Variants in FANCA observed in about 807,000 individuals in gnomAD.
The protein encoded by FANCA is Fanconi anemia group A protein.
A neutral mutation model predicts 194.3 loss-of-function variants in FANCA; 236 were observed. The observed-to-expected ratio is 1.21, with a 90% CI of 1.09 to 1.35. The LOEUF is 1.35. Ranked by LOEUF, FANCA falls within the 40% of genes most tolerant of loss-of-function variation. FANCA has a pLI of 0.00. For synonymous variants in FANCA, 1,014 were observed against 715.8 expected, an observed-to-expected ratio of 1.42 and a Z score of -6.65; for missense variants, 2,628 against 1,813.9, an observed-to-expected ratio of 1.45 and a Z score of -8.15.
At chr16:89,745,426 C>T (rs1206788296) in intron 35 of FANCA, among the ~76,000 whole-genome samples, 1 of 148,586 alleles carries the variant, frequency 6.7e-6, no homozygotes, top group African/African-American at 2.5e-5. Flanking sequence ...GAGCTGGGAA[C>T]AAAACAGTGA....
Position 89,814,602 on chromosome 16 carries a change from T to A in FANCA, c.201A>T (p.Pro67=). ...TGCTGAGAGACAATTTTTTACACAGTGGACCTTCTACCTAGAATCCAAAAC... is the reference window on the plus strand; with the variant it reads ...TGCTGAGAGACAATTTTTTACACAGAGGACCTTCTACCTAGAATCCAAAAC... ...LNALLLEVEG[P]LCKKLSLSKV... is the part of the protein sequence containing the mutation. Residue 67 remains proline, a synonymous_variant, in exon 3 of 43, where the codon CCA becomes CCT. Transcript: ENST00000389301. 1 of 1,612,960 alleles carries A rather than the reference T, an allele frequency of 6.2e-7. No homozygotes were observed. Among genetic ancestry groups the A allele is most frequent in the African/African-American group, 1.3e-5 (1 of 75,032 alleles).
chr16:89,740,491 C>A, intron 38 of FANCA: 1 of 470,532 alleles, frequency 2.1e-6, no homozygotes, highest in Non-Finnish European at 3.8e-6. Flanking sequence ...AAAAATTAGC[C>A]GGGTGTGACA....
At chr16:89,751,291 G>C (rs140328687) in intron 31 of FANCA, among the ~76,000 whole-genome samples, 10 of 152,150 alleles carry the variant, frequency 6.6e-5, no homozygotes, top group Non-Finnish European at 1.5e-4. Flanking sequence ...CTTGGGCCCA[G>C]GAGTTCGAGA....
chr16:89,813,135 T>C (rs2040965782), intron 3 of FANCA, among the ~76,000 whole-genome samples: 1 of 150,876 alleles, frequency 6.6e-6, no homozygotes, highest in African/African-American at 2.4e-5. Flanking sequence ...AGTAGACAGA[T>C]GGGGCACAGT....
rs769862233 is a variant in FANCA at position 89,746,891 on chromosome 16, C to T, written c.3349-1G>A. The T allele has an allele frequency of 3.6e-5, 56 of 1,555,122 alleles. No homozygotes were observed. Among genetic ancestry groups the T allele is most frequent in the Non-Finnish European group, 1.2e-5 (14 of 1,148,786 alleles). Reference sequence around the variant, plus strand: ...CACCTCCGTGGGAGCAGAAGTTTCTCTGCAAAAGAGTTCAAGGCAGGTAAG... The same window carrying T: ...CACCTCCGTGGGAGCAGAAGTTTCTTTGCAAAAGAGTTCAAGGCAGGTAAG... On this transcript the variant is annotated splice_acceptor_variant, in intron 33 of 42. Coordinates refer to ENST00000389301, the MANE Select transcript of FANCA (RefSeq NM_000135.4). LOFTEE classifies it high-confidence loss of function.
rs560431295 is a variant in FANCA at position 89,753,320 on chromosome 16, G to A, written c.2982-1098C>T. Among the ~76,000 whole-genome samples, 17 of 152,196 alleles carry A rather than the reference G, an allele frequency of 1.1e-4. No homozygotes were observed. In the East Asian group the frequency reaches 2.1e-3, roughly 19 times the overall value. On this transcript the variant is annotated intron_variant, in intron 30 of 42. Coordinates refer to ENST00000389301, the MANE Select transcript of FANCA (RefSeq NM_000135.4). Reference sequence around the variant, plus strand: ...CAGCCCGACACTCGGGGCCACTACCGGTCTCCGCGCATTGGTGGTAGTGGT... The same window carrying A: ...CAGCCCGACACTCGGGGCCACTACCAGTCTCCGCGCATTGGTGGTAGTGGT...
At chr16:89,810,102 C>T (rs1401274574) in intron 5 of FANCA, among the ~76,000 whole-genome samples, 1 of 151,992 alleles carries the variant, frequency 6.6e-6, no homozygotes, top group Non-Finnish European at 1.5e-5. Context: ...GTGGGCAGAT[C>T]ACGAGGTCAG....
Position 89,753,189 on chromosome 16 carries a change from G to A in FANCA, c.2982-967C>T, listed in dbSNP as rs554768721. Among the ~76,000 whole-genome samples, 177 of 152,310 alleles carry A rather than the reference G, an allele frequency of 1.2e-3. 2 individuals are homozygous for A. The highest frequency in any genetic ancestry group is 4.1e-3 in the African/African-American group (169 of 41,570). ...TGCCTCAGCTGCCAGGCAGGGACGG[G>A]CCCCCTGTCCAGTGGACATGTGACC... On this transcript the variant is annotated intron_variant, in intron 30 of 42. Transcript: ENST00000389301.
rs374510260 is a variant in FANCA at position 89,740,109 on chromosome 16, G to A, written c.3829-10C>T. 49 of 1,611,282 alleles carry A rather than the reference G, an allele frequency of 3.0e-5. No individual in the cohort carries two copies. The highest frequency in any genetic ancestry group is 1.4e-4 in the South Asian group (13 of 91,022). ...GCAGGTCTGTGGTGCTCTGTAAACC[G>A]CAGGAGACCAACCCTGAGAATGGCC... is the stretch of plus-strand genomic sequence containing the variant. On this transcript the variant is annotated splice_polypyrimidine_tract_variant and intron_variant, in intron 38 of 42. Transcript: ENST00000389301.
intron 30 of FANCA, among the ~76,000 whole-genome samples, chr16:89,756,839 G>C (rs917024470): frequency 6.6e-6 from 1 of 152,174 alleles, no homozygotes; most frequent in Non-Finnish European, 1.5e-5. Flanking sequence ...CCATGTCTCA[G>C]GCAGCCTAGA....
intron 26 of FANCA, 85 bp downstream of exon 26, chr16:89,769,752 T>C: frequency 6.7e-7 from 1 of 1,483,144 alleles, no homozygotes. Flanking sequence ...TGTCTGCATG[T>C]CTGTCTCTTC....
At chr16:89,766,002 T>TA (rs147126022) in intron 27 of FANCA, among the ~76,000 whole-genome samples, 13,334 of 150,910 alleles carry the variant, frequency 0.088, 678 homozygotes, top group East Asian at 0.22. Context: ...TTTATTTATT[T>TA]TTTTTTTTTT....
intron 17 of FANCA, among the ~76,000 whole-genome samples, chr16:89,780,623 C>CA (rs11356898): frequency 0.017 from 2,409 of 140,006 alleles, 62 homozygotes; most frequent in African/African-American, 0.056. Context: ...GTCCCTGCAT[C>CA]AAAAAAAAAA....
chr16:89,785,119 C>A (rs1039654690), intron 14 of FANCA, among the ~76,000 whole-genome samples, 155 bp from the exon 15 acceptor site: 2 of 152,040 alleles, frequency 1.3e-5, no homozygotes, highest in African/African-American at 4.8e-5. Flanking sequence ...GAGTGTGAAG[C>A]CCACCTAGGC....
At chr16:89,812,899 G>A (rs770249886) in intron 3 of FANCA, among the ~76,000 whole-genome samples, 3 of 151,328 alleles carry the variant, frequency 2.0e-5, no homozygotes, top group Non-Finnish European at 4.4e-5. Context: ...TGGGTGCGGC[G>A]GCGGGCACCT....
At chr16:89,792,576 C>A (rs2040112174) in intron 11 of FANCA, 29 bp from the exon 12 acceptor site, 1 of 1,604,160 alleles carries the variant, frequency 6.2e-7, no homozygotes, top group Non-Finnish European at 8.5e-7. Context: ...ACAAAAACTT[C>A]AAGTCAGAGA....
At chr16:89,750,637 G>C (rs1236026499) in intron 31 of FANCA, among the ~76,000 whole-genome samples, 1 of 152,092 alleles carries the variant, frequency 6.6e-6, no homozygotes, top group African/African-American at 2.4e-5. Context: ...GCTGGGTGTG[G>C]TGGCAGGCGC....
At chr16:89,793,634 C>T (rs71396964) in intron 11 of FANCA, among the ~76,000 whole-genome samples, 2,155 of 152,260 alleles carry the variant, frequency 0.014, 42 homozygotes, top group South Asian at 0.096. Context: ...TCACTATCAC[C>T]CAGGCTGGAG....
At chr16:89,757,795 G>C (rs919735666) in intron 30 of FANCA, among the ~76,000 whole-genome samples, 2 of 152,200 alleles carry the variant, frequency 1.3e-5, no homozygotes, top group African/African-American at 4.8e-5. Flanking sequence ...GTGATGCCCA[G>C]GATCTACTAG....
Sources: allele counts gnomAD v4.1 joint callset (sites outside exome capture counted in the v4.1 genomes callset), GRCh38; gene constraint gnomAD v4.1.1; transcripts MANE v1.5; gene names NCBI Gene and HGNC (gene_info 2026-07-23, HGNC 2026-07-21).